MICAL3: variants seen among roughly 807,000 people sequenced by gnomAD.
MICAL3 encodes the protein [F-actin]-monooxygenase MICAL3.
Under a neutral mutation model 207.4 loss-of-function variants are expected in MICAL3, and 62 were observed. The ratio of observed to expected loss-of-function variants is 0.30; its 90% CI spans 0.24 to 0.37. The LOEUF (loss-of-function observed/expected upper bound fraction) is 0.37. Ranked by LOEUF, MICAL3 falls within the 10% of genes least tolerant of loss-of-function variation. The pLI is 1.00. For missense variants in MICAL3, 2,368 were observed against 2,635.6 expected (o/e 0.90, Z 2.22); for synonymous variants, 1,077 against 1,069.3 (o/e 1.01, Z -0.14).
intron 19 of MICAL3, chr22:17,864,529 C>T: frequency 7.0e-7 from 1 of 1,436,008 alleles, no homozygotes; most frequent in Non-Finnish European, 9.1e-7. Context: ...GTGATGGGAG[C>T]AGTGTCTGAG....
At chr22:17,859,763 A>G (rs1033841134) in intron 19 of MICAL3, among the ~76,000 whole-genome samples, 3 of 152,166 alleles carry the variant, frequency 2.0e-5, no homozygotes, top group African/African-American at 7.2e-5. Context: ...AGGGAGGAAG[A>G]AGGTGCCTGG....
chr22:17,951,538 AC>A (rs1934349745), intron 1 of MICAL3, among the ~76,000 whole-genome samples: 1 of 151,864 alleles, frequency 6.6e-6, no homozygotes, highest in Non-Finnish European at 1.5e-5. Context: ...GGCACAGAGA[AC>A]AAACATGACC....
At chr22:17,866,610 G>A (rs1077147) in intron 17 of MICAL3, among the ~76,000 whole-genome samples, 1 of 138,158 alleles carries the variant, frequency 7.2e-6, no homozygotes, top group African/African-American at 2.7e-5. Flanking sequence ...GCATAGAACA[G>A]AACAGAATAG....
intron 2 of MICAL3, 78 bp from the exon 3 acceptor site, chr22:17,904,917 A>G: frequency 9.2e-7 from 1 of 1,090,416 alleles, no homozygotes; most frequent in Non-Finnish European, 1.4e-6. Context: ...TTGTAAGATC[A>G]TCACTCCCTA....
intron 1 of MICAL3, among the ~76,000 whole-genome samples, chr22:17,987,773 G>A (rs1921199878): frequency 6.6e-6 from 1 of 151,340 alleles, no homozygotes; most frequent in African/African-American, 2.4e-5. Context: ...GGGTAAAGGG[G>A]CACAATGTCT....
chr22:17,911,021 TG>T (rs773186838), intron 1 of MICAL3, among the ~76,000 whole-genome samples: 237 of 93,288 alleles, frequency 2.5e-3, no homozygotes, highest in African/African-American at 7.3e-3. Context: ...GGTTGGGGGC[TG>T]GGGGAGGAAG....
At chr22:17,905,992 C>A (rs1484253881) in intron 2 of MICAL3, among the ~76,000 whole-genome samples, 2 of 152,178 alleles carry the variant, frequency 1.3e-5, no homozygotes, top group Admixed American at 1.3e-4. Flanking sequence ...AAACAGTATA[C>A]CTTACCAGCT....
At chr22:17,878,292 A>G (rs941823574) in intron 16 of MICAL3, among the ~76,000 whole-genome samples, 3 of 152,220 alleles carry the variant, frequency 2.0e-5, no homozygotes, top group African/African-American at 7.2e-5. Context: ...CAGCCTGGGA[A>G]GAAGAGAGAA....
Position 17,791,083 on chromosome 22 carries a change from G to A in MICAL3, c.5751-12C>T, listed in dbSNP as rs2061819150. ...CCAGCTCCCGGGCACTGAGGAGGCA[G>A]GGCAGGAGGGAGACAAGCCACAGTG... On this transcript the variant is annotated splice_polypyrimidine_tract_variant and intron_variant, in intron 30 of 31. Transcript: ENST00000441493. 1.9e-6 allele frequency: 3 copies of A among 1,610,190 alleles called. No homozygotes were observed. Among genetic ancestry groups the A allele is most frequent in the Admixed American group, 1.7e-5 (1 of 59,776 alleles).
chr22:17,810,875 A>C (rs1049533220), intron 27 of MICAL3, 62 bp from the exon 28 acceptor site: 1 of 1,374,792 alleles, frequency 7.3e-7, no homozygotes, highest in African/African-American at 1.4e-5. Context: ...AGGGGTGGGC[A>C]GCAGGCCAAC....
intron 1 of MICAL3, among the ~76,000 whole-genome samples, chr22:17,949,716 G>A (rs1184168255): frequency 1.3e-5 from 2 of 152,216 alleles, no homozygotes; most frequent in Non-Finnish European, 2.9e-5. Context: ...GATGCGTCAG[G>A]TGCTACAAAG....
intron 19 of MICAL3, among the ~76,000 whole-genome samples, chr22:17,844,126 G>A (rs551930595): frequency 8.5e-5 from 13 of 152,314 alleles, no homozygotes; most frequent in Middle Eastern, 3.4e-3. Context: ...GATTACAAGC[G>A]GGAGCCACCA....
chr22:17,884,298 C>A, intron 16 of MICAL3: 1 of 1,589,166 alleles, frequency 6.3e-7, no homozygotes, highest in South Asian at 1.1e-5. Flanking sequence ...GGGGTGGGGG[C>A]AGGGCGAACC....
chr22:17,822,539 T>C (rs1360555920), intron 23 of MICAL3, among the ~76,000 whole-genome samples: 1 of 152,196 alleles, frequency 6.6e-6, no homozygotes, highest in Non-Finnish European at 1.5e-5. Context: ...TAGCCCTGAC[T>C]GCCACCCCAA....
intron 1 of MICAL3, among the ~76,000 whole-genome samples, chr22:17,967,430 TCA>T (rs5844337): frequency 0.2 from 30,219 of 151,140 alleles, 3,180 homozygotes; most frequent in Middle Eastern, 0.27. Flanking sequence ...CCCTATGGAT[TCA>T]CAGTCTTGGC....
Position 17,790,611 on chromosome 22 carries a change from G to A in MICAL3, c.*121C>T, listed in dbSNP as rs764350154. On this transcript the variant is annotated 3_prime_UTR_variant, in exon 32 of 32. Transcript: ENST00000441493. ...CTCGACCACTTTCCAAGCAGCACACGGGCATCTGAGCGTAAACTCCAAGGA... is the reference window on the plus strand; with the variant it reads ...CTCGACCACTTTCCAAGCAGCACACAGGCATCTGAGCGTAAACTCCAAGGA... The A allele has an allele frequency of 1.4e-5, 12 of 875,538 alleles. No homozygotes were observed. Among genetic ancestry groups the A allele is most frequent in the South Asian group, 3.5e-5 (2 of 56,760 alleles). The allele number at this position is 875,538 out of a possible 1,614,324, so 54.2% of individuals were successfully genotyped here.
chr22:17,855,532 G>A (rs1925796736), intron 19 of MICAL3, among the ~76,000 whole-genome samples: 1 of 152,240 alleles, frequency 6.6e-6, no homozygotes, highest in Admixed American at 6.5e-5. Flanking sequence ...TGGCAGGGCG[G>A]ACGGATGGAG....
At chr22:17,890,191 A>G (rs1157903088) in intron 12 of MICAL3, among the ~76,000 whole-genome samples, 2 of 152,104 alleles carry the variant, frequency 1.3e-5, no homozygotes. Flanking sequence ...GTGTTAATCT[A>G]GGATCCCACA....
intron 16 of MICAL3, chr22:17,876,951 G>A (rs1174875568): frequency 3.1e-5 from 4 of 129,824 alleles, no homozygotes; most frequent in Non-Finnish European, 6.4e-5. Flanking sequence ...GGTTATGGAG[G>A]TTATGGAGGT....
Sources: gnomAD v4.1 joint callset for allele counts (sites outside exome capture counted in the v4.1 genomes callset) on GRCh38, gnomAD v4.1.1 for gene constraint, MANE v1.5 for transcripts, NCBI Gene and HGNC (gene_info 2026-07-23, HGNC 2026-07-21) for gene names.